The following DSCAM variants were observed in gnomAD, a reference collection of about 807,000 sequenced individuals.
The protein encoded by DSCAM is DS cell adhesion molecule.
In DSCAM, 47 loss-of-function variants were observed where a neutral mutation model predicts 217.7. That is an observed-to-expected ratio of 0.22 (90% CI 0.17 to 0.28). The LOEUF is 0.28. Ranked by LOEUF, DSCAM falls within the 10% of genes least tolerant of loss-of-function variation. The probability of loss-of-function intolerance (pLI) is 1.00; values close to 1 mark genes in which losing one functional copy is unlikely to be tolerated. For missense variants in DSCAM, 2,080 were observed against 2,618.3 expected (o/e 0.79, Z 4.49); for synonymous variants, 1,056 against 1,015.3 (o/e 1.04, Z -0.76).
intron 3 of DSCAM, among the ~76,000 whole-genome samples, chr21:40,601,083 T>G (rs531139764): frequency 5.6e-4 from 85 of 152,204 alleles, no homozygotes; most frequent in Non-Finnish European, 1.1e-3. Flanking sequence ...AGATTTTGAT[T>G]GGGATGACTC....
At chr21:40,341,890 A>G (rs1167610824) in intron 6 of DSCAM, among the ~76,000 whole-genome samples, 1 of 152,092 alleles carries the variant, frequency 6.6e-6, no homozygotes, top group Non-Finnish European at 1.5e-5. Context: ...ATGTCATTTC[A>G]GCCTCTTTTC....
chr21:40,846,291 TC>T (rs1370776089), intron 1 of DSCAM, among the ~76,000 whole-genome samples: 2 of 152,078 alleles, frequency 1.3e-5, no homozygotes, highest in African/African-American at 2.4e-5. Flanking sequence ...GTGGCAATCT[TC>T]CTGTCTCTCC....
chr21:40,779,032 G>GAAAAAAAAAAA (rs772208075), intron 1 of DSCAM, among the ~76,000 whole-genome samples: 1 of 45,536 alleles, frequency 2.2e-5, no homozygotes, highest in Non-Finnish European at 3.9e-5. Context: ...CTCAAAAACA[G>GAAAAAAAAAAA]AAAAAAAAAA....
chr21:40,213,036 C>T (rs542752016), intron 11 of DSCAM, among the ~76,000 whole-genome samples: 7 of 152,330 alleles, frequency 4.6e-5, no homozygotes, highest in African/African-American at 1.2e-4. Flanking sequence ...GCCCTGCTGA[C>T]TTCTTGATTT....
At chr21:40,231,122 AG>A (rs905670530) in intron 11 of DSCAM, among the ~76,000 whole-genome samples, 7 of 116,876 alleles carry the variant, frequency 6.0e-5, no homozygotes, top group African/African-American at 2.2e-4. Context: ...GTTCTGGAAG[AG>A]GTTTTTTTTT....
At chr21:40,408,907 C>T (rs1468331313) in intron 3 of DSCAM, among the ~76,000 whole-genome samples, 1 of 152,124 alleles carries the variant, frequency 6.6e-6, no homozygotes, top group Non-Finnish European at 1.5e-5. Context: ...TCCAAATAGT[C>T]CATTTTTAGT....
At chr21:40,248,198 A>T (rs1343637029) in intron 11 of DSCAM, among the ~76,000 whole-genome samples, 1 of 152,184 alleles carries the variant, frequency 6.6e-6, no homozygotes, top group Non-Finnish European at 1.5e-5. Flanking sequence ...AAGACCTCTG[A>T]CATGCCCTGG....
intron 10 of DSCAM, among the ~76,000 whole-genome samples, chr21:40,283,541 C>T (rs1368502017): frequency 6.6e-6 from 1 of 152,102 alleles, no homozygotes; most frequent in South Asian, 2.1e-4. Context: ...CCAAATGAGC[C>T]CACTTTGAAG....
At chr21:40,389,240 TATAA>T (rs1410667867) in intron 3 of DSCAM, among the ~76,000 whole-genome samples, 3 of 152,204 alleles carry the variant, frequency 2.0e-5, no homozygotes, top group African/African-American at 7.2e-5. Context: ...CAAAAGTCAT[TATAA>T]ATGTCTAGCA....
intron 3 of DSCAM, among the ~76,000 whole-genome samples, chr21:40,504,746 T>C (rs879738087): frequency 1.3e-5 from 2 of 152,184 alleles, no homozygotes; most frequent in Non-Finnish European, 2.9e-5. Flanking sequence ...GAGGACCTGA[T>C]TATGGATCTC....
intron 8 of DSCAM, among the ~76,000 whole-genome samples, chr21:40,315,922 A>G (rs1189434999): frequency 6.6e-6 from 1 of 152,218 alleles, no homozygotes; most frequent in Non-Finnish European, 1.5e-5. Flanking sequence ...TGAGAAACTA[A>G]AAGTAAATTA....
intron 3 of DSCAM, among the ~76,000 whole-genome samples, chr21:40,503,540 A>T (rs538581977): frequency 6.6e-6 from 1 of 152,350 alleles, no homozygotes; most frequent in Non-Finnish European, 1.5e-5. Flanking sequence ...GCAAGTGAGC[A>T]GGTGGCAGTG....
intron 3 of DSCAM, among the ~76,000 whole-genome samples, chr21:40,522,300 T>A (rs2076365489): frequency 6.6e-6 from 1 of 152,222 alleles, no homozygotes; most frequent in Admixed American, 6.5e-5. Context: ...TCAGCTCAGT[T>A]ACCATGTGCT....
chr21:40,509,899 C>T (rs1430818091), intron 3 of DSCAM, among the ~76,000 whole-genome samples: 3 of 152,080 alleles, frequency 2.0e-5, no homozygotes, highest in Non-Finnish European at 4.4e-5. Flanking sequence ...CCGAGGCAGG[C>T]GGATCACGAG....
At chr21:40,190,858 G>A (rs1446309254) in intron 11 of DSCAM, among the ~76,000 whole-genome samples, 1 of 152,184 alleles carries the variant, frequency 6.6e-6, no homozygotes. Context: ...AGATGATACA[G>A]TTGTCAGATA....
Position 40,196,668 on chromosome 21 carries a change from CCTCT to C in DSCAM, c.2357-7434_2357-7431del, listed in dbSNP as rs927723720. ...TCCCTTCCTTCCTTCTTCACTTTCC[CCTCT>C]CTTTCTTCTGTTTCATCCTCCCTCT... On this transcript the variant is annotated intron_variant, in intron 11 of 32. Transcript: ENST00000400454. Among the ~76,000 whole-genome samples, 6 of 151,894 alleles carry C rather than the reference CCTCT, an allele frequency of 4.0e-5. No individual in the cohort carries two copies. In the East Asian group the frequency reaches 9.7e-4, roughly 25 times the overall value.
chr21:40,518,692 G>GTGTA (rs1555850148), intron 3 of DSCAM, among the ~76,000 whole-genome samples: 6 of 135,806 alleles, frequency 4.4e-5, no homozygotes, highest in African/African-American at 1.7e-4. Flanking sequence ...GTATATATAT[G>GTGTA]TATATATATA....
chr21:40,369,385 CG>C, intron 3 of DSCAM, 140 bp from the exon 4 acceptor site: 3 of 384,510 alleles, frequency 7.8e-6, no homozygotes, highest in Non-Finnish European at 1.4e-5. Context: ...CGTGCGTCTG[CG>C]TGTGTGTGTG....
chr21:40,844,094 G>A (rs1237583283), intron 1 of DSCAM, among the ~76,000 whole-genome samples: 2 of 152,058 alleles, frequency 1.3e-5, no homozygotes, highest in Non-Finnish European at 2.9e-5. Flanking sequence ...CAAAGTTGAG[G>A]TATAACAAAA....
Sources: gnomAD v4.1 joint callset for allele counts (sites outside exome capture counted in the v4.1 genomes callset) on GRCh38, gnomAD v4.1.1 for gene constraint, MANE v1.5 for transcripts, NCBI Gene and HGNC (gene_info 2026-07-23, HGNC 2026-07-21) for gene names.